Variants in NXPH1 observed in about 807,000 individuals in gnomAD.
The protein encoded by NXPH1 is neurexophilin 1.
Under a neutral mutation model 23.7 loss-of-function variants are expected in NXPH1, and 5 were observed. The ratio of observed to expected loss-of-function variants is 0.21; its 90% CI spans 0.11 to 0.44. The LOEUF is 0.44. Among genes scored for constraint, NXPH1 ranks in the 20% least tolerant of loss-of-function variants. The pLI is 0.99. For synonymous variants in NXPH1, 144 were observed against 122.2 expected, an observed-to-expected ratio of 1.18 and a Z score of -1.18; for missense variants, 324 against 321.6, an observed-to-expected ratio of 1.01 and a Z score of -0.06.
chr7:8,574,510 A>G (rs1818714532), intron 2 of NXPH1, among the ~76,000 whole-genome samples: 1 of 152,150 alleles, frequency 6.6e-6, no homozygotes, highest in Non-Finnish European at 1.5e-5. Flanking sequence ...AAGGAAAAAG[A>G]TGGAATCTGT....
At chr7:8,614,356 G>T (rs58139442) in intron 2 of NXPH1, among the ~76,000 whole-genome samples, 139 of 151,900 alleles carry the variant, frequency 9.2e-4, no homozygotes, top group African/African-American at 3.1e-3. Context: ...CCAAAAGGTT[G>T]AACCAGTTTA....
intron 2 of NXPH1, among the ~76,000 whole-genome samples, chr7:8,629,053 A>G (rs994659945): frequency 6.6e-6 from 1 of 151,890 alleles, no homozygotes; most frequent in Non-Finnish European, 1.5e-5. Context: ...AAGATAAGAA[A>G]TGAATAAAAA....
intron 2 of NXPH1, among the ~76,000 whole-genome samples, chr7:8,504,884 T>C (rs1461884682): frequency 2.0e-5 from 3 of 152,066 alleles, no homozygotes; most frequent in Non-Finnish European, 2.9e-5. Context: ...TGCTGGTTCA[T>C]TGAACTTGGA....
At chr7:8,597,503 A>G (rs1470438349) in intron 2 of NXPH1, among the ~76,000 whole-genome samples, 21 of 152,000 alleles carry the variant, frequency 1.4e-4, no homozygotes, top group Admixed American at 1.4e-3. Flanking sequence ...TCATTCAGTG[A>G]TATTTTGTAC....
chr7:8,584,922 G>T (rs17151758), intron 2 of NXPH1, among the ~76,000 whole-genome samples: 2 of 152,072 alleles, frequency 1.3e-5, no homozygotes, highest in Admixed American at 6.5e-5. Context: ...TGACCACATA[G>T]GAATTGCTTT....
intron 2 of NXPH1, among the ~76,000 whole-genome samples, chr7:8,543,739 G>A (rs910014512): frequency 1.3e-5 from 2 of 151,510 alleles, no homozygotes; most frequent in Non-Finnish European, 3.0e-5. Flanking sequence ...GCATATAATG[G>A]ATCCTTAATA....
rs1820361955 is a variant in NXPH1, at chr7:8,644,372, G to C, written c.55-106636G>C. ...TGACTCTGAGCTTGGAGTTTCTCTG[G>C]AGTTCCTTTGGGAAGAAAGGTTCTC... is the stretch of plus-strand genomic sequence containing the variant. On this transcript the variant is annotated intron_variant, in intron 2 of 2. Transcript: ENST00000405863. Among the ~76,000 whole-genome samples, 3 of 152,150 alleles carry C rather than the reference G, an allele frequency of 2.0e-5. No homozygotes were observed. In the South Asian group the frequency reaches 6.2e-4, roughly 32 times the overall value.
intron 2 of NXPH1, among the ~76,000 whole-genome samples, chr7:8,614,189 T>G (rs1455152546): frequency 2.6e-5 from 4 of 151,942 alleles, no homozygotes; most frequent in Non-Finnish European, 4.4e-5. Context: ...TTAGATAGAT[T>G]ATATCTTTGT....
chr7:8,734,700 TC>T, intron 2 of NXPH1, among the ~76,000 whole-genome samples: 1 of 152,314 alleles, frequency 6.6e-6, no homozygotes, highest in East Asian at 1.9e-4. Flanking sequence ...TGTAAATGCC[TC>T]TTAGGTCCTC....
intron 2 of NXPH1, among the ~76,000 whole-genome samples, chr7:8,501,357 A>G (rs1458850623): frequency 6.6e-6 from 1 of 152,052 alleles, no homozygotes; most frequent in African/African-American, 2.4e-5. Context: ...AGATATGACT[A>G]CAAATCATAG....
chr7:8,452,297 A>C (rs1816520011), intron 2 of NXPH1, among the ~76,000 whole-genome samples: 1 of 152,202 alleles, frequency 6.6e-6, no homozygotes, highest in Non-Finnish European at 1.5e-5. Flanking sequence ...AAACCCATCC[A>C]GTCTTTTTGA....
chr7:8,689,685 G>C (rs1821198022), intron 2 of NXPH1, among the ~76,000 whole-genome samples: 1 of 152,094 alleles, frequency 6.6e-6, no homozygotes, highest in South Asian at 2.1e-4. Context: ...TTCTGCTAGG[G>C]CTTCTGATTG....
chr7:8,697,846 C>A (rs945230993), intron 2 of NXPH1, among the ~76,000 whole-genome samples: 1 of 152,064 alleles, frequency 6.6e-6, no homozygotes, highest in African/African-American at 2.4e-5. Context: ...GCAAGAGAGC[C>A]AGTGTGTTTG....
At chr7:8,592,468 T>G (rs1322978160) in intron 2 of NXPH1, among the ~76,000 whole-genome samples, 1 of 152,034 alleles carries the variant, frequency 6.6e-6, no homozygotes, top group Non-Finnish European at 1.5e-5. Context: ...GTAGGCTTGT[T>G]TACTTTTGAA....
At chr7:8,548,129 A>G (rs1163521801) in intron 2 of NXPH1, among the ~76,000 whole-genome samples, 1 of 151,524 alleles carries the variant, frequency 6.6e-6, no homozygotes, top group Non-Finnish European at 1.5e-5. Flanking sequence ...CCCAAAAGGT[A>G]TAATTCTTAT....
chr7:8,538,497 G>C (rs73050618), intron 2 of NXPH1, among the ~76,000 whole-genome samples: 8,691 of 151,950 alleles, frequency 0.057, 420 homozygotes, highest in East Asian at 0.25. Context: ...CTCTTCATCT[G>C]TAAAATGAGG....
At chr7:8,457,884 A>G (rs1816627207) in intron 2 of NXPH1, among the ~76,000 whole-genome samples, 1 of 152,220 alleles carries the variant, frequency 6.6e-6, no homozygotes, top group Non-Finnish European at 1.5e-5. Flanking sequence ...ATTAGCAACA[A>G]TTCAGCCCAA....
intron 2 of NXPH1, among the ~76,000 whole-genome samples, chr7:8,732,949 A>C (rs1201024402): frequency 6.6e-6 from 1 of 152,216 alleles, no homozygotes; most frequent in African/African-American, 2.4e-5. Context: ...ACATAGGTAT[A>C]CATGTGCCAT....
intron 2 of NXPH1, among the ~76,000 whole-genome samples, chr7:8,584,328 T>C (rs945926492): frequency 6.6e-5 from 10 of 152,172 alleles, no homozygotes; most frequent in Non-Finnish European, 1.3e-4. Flanking sequence ...ATAACATTGT[T>C]CCCCAATCCC....
Sources: gnomAD v4.1 joint callset for allele counts (sites outside exome capture counted in the v4.1 genomes callset) on GRCh38, gnomAD v4.1.1 for gene constraint, MANE v1.5 for transcripts, NCBI Gene and HGNC (gene_info 2026-07-23, HGNC 2026-07-21) for gene names.